Variants in SORCS3 observed in about 807,000 individuals in gnomAD.
SORCS3 encodes sortilin related VPS10 domain containing receptor 3.
In SORCS3, 57 loss-of-function variants were observed where a neutral mutation model predicts 146.3. The ratio of observed to expected loss-of-function variants is 0.39; its 90% confidence interval spans 0.31 to 0.49. SORCS3 has a LOEUF of 0.49. Among genes scored for constraint, SORCS3 ranks in the 20% least tolerant of loss-of-function variants. SORCS3 has a pLI of 0.92. For missense variants in SORCS3, 1,341 were observed against 1,575.5 expected (o/e 0.85, Z 2.52); for synonymous variants, 653 against 618.5 (o/e 1.06, Z -0.83).
chr10:105,088,388 CTTTGGGG>C (rs1287720546), intron 5 of SORCS3, among the ~76,000 whole-genome samples: 3 of 152,180 alleles, frequency 2.0e-5, no homozygotes, highest in Non-Finnish European at 4.4e-5. Flanking sequence ...TATTCAGCCT[CTTTGGGG>C]AAAGAAGTGT....
At position 104,755,571 on chromosome 10, in the gene SORCS3, C is replaced by T. The variant is rs12259770; in HGVS notation, c.628-87221C>T. 3.9e-5 allele frequency among the ~76,000 whole-genome samples: 6 copies of T among 152,188 alleles called. No homozygotes were observed. The East Asian group carries it at 7.7e-4, about 20-fold the overall frequency. ...GAAAACCTAGATGAAAAGAATAATCCTGAAGAATTTAGGATTCAATTTGAT... is the reference window on the plus strand; with the variant it reads ...GAAAACCTAGATGAAAAGAATAATCTTGAAGAATTTAGGATTCAATTTGAT... On this transcript the variant is annotated intron_variant, in intron 1 of 26. Coordinates refer to ENST00000369701, the MANE Select transcript of SORCS3 (RefSeq NM_014978.3).
chr10:104,906,016 A>G (rs149138587), intron 2 of SORCS3, among the ~76,000 whole-genome samples: 2 of 152,230 alleles, frequency 1.3e-5, no homozygotes, highest in African/African-American at 2.4e-5. Context: ...AAGGCTCTCT[A>G]TTTATTCATG....
At chr10:104,893,205 C>A (rs1477833400) in intron 2 of SORCS3, among the ~76,000 whole-genome samples, 1 of 152,172 alleles carries the variant, frequency 6.6e-6, no homozygotes, top group Non-Finnish European at 1.5e-5. Context: ...TTATAATTGA[C>A]TTGGGTCCCA....
chr10:104,940,259 A>G (rs1272062825), intron 3 of SORCS3, among the ~76,000 whole-genome samples: 1 of 70,794 alleles, frequency 1.4e-5, no homozygotes, highest in Non-Finnish European at 3.6e-5. Context: ...TTTTTTTATT[A>G]TACTTTAAGT....
intron 1 of SORCS3, among the ~76,000 whole-genome samples, chr10:104,781,146 A>G (rs1041011520): frequency 6.6e-6 from 1 of 152,226 alleles, no homozygotes; most frequent in Non-Finnish European, 1.5e-5. Context: ...GATATCTGAC[A>G]TCTGCAGAAC....
At chr10:104,927,773 G>T (rs2019163482) in intron 3 of SORCS3, among the ~76,000 whole-genome samples, 1 of 151,998 alleles carries the variant, frequency 6.6e-6, no homozygotes, top group Non-Finnish European at 1.5e-5. Flanking sequence ...AGCTACTCGG[G>T]AGGCTGAGGC....
chr10:104,797,042 G>A (rs2017564306), intron 1 of SORCS3, among the ~76,000 whole-genome samples: 1 of 152,188 alleles, frequency 6.6e-6, no homozygotes, highest in Admixed American at 6.5e-5. Flanking sequence ...TTGCAGCCTA[G>A]CACTTACAAC....
intron 1 of SORCS3, among the ~76,000 whole-genome samples, chr10:104,738,145 T>G (rs577498435): frequency 1.6e-3 from 249 of 152,346 alleles, no homozygotes; most frequent in Middle Eastern, 3.4e-3. Flanking sequence ...ACCAGTACCA[T>G]GCTGTTTTGG....
chr10:105,162,214 G>A (rs1047714993), intron 11 of SORCS3, among the ~76,000 whole-genome samples: 6 of 152,110 alleles, frequency 3.9e-5, no homozygotes, highest in Non-Finnish European at 7.4e-5. Context: ...AGGAAATGAG[G>A]GTGAAAGCAA....
chr10:104,771,542 G>A (rs1293897378), intron 1 of SORCS3, among the ~76,000 whole-genome samples: 2 of 152,154 alleles, frequency 1.3e-5, no homozygotes, highest in Non-Finnish European at 2.9e-5. Context: ...AACTTTTGGG[G>A]TGGCAGGCTA....
At chr10:105,097,160 G>C (rs917798565) in intron 6 of SORCS3, among the ~76,000 whole-genome samples, 1 of 152,162 alleles carries the variant, frequency 6.6e-6, no homozygotes, top group East Asian at 1.9e-4. Context: ...CCCAACATCA[G>C]CTGGTCTCTT....
intron 3 of SORCS3, among the ~76,000 whole-genome samples, chr10:104,975,398 A>G (rs934359397): frequency 2.6e-5 from 4 of 152,076 alleles, no homozygotes; most frequent in Non-Finnish European, 5.9e-5. Flanking sequence ...CCACTGCTCA[A>G]TGAAATAAAA....
intron 2 of SORCS3, among the ~76,000 whole-genome samples, chr10:104,901,328 A>G (rs967083907): frequency 1.3e-5 from 2 of 152,248 alleles, no homozygotes; most frequent in African/African-American, 4.8e-5. Flanking sequence ...TCAAGATCAC[A>G]CAAGTATCTA....
At chr10:105,189,694 G>C (rs1052251083) in intron 14 of SORCS3, among the ~76,000 whole-genome samples, 1 of 152,180 alleles carries the variant, frequency 6.6e-6, no homozygotes, top group Non-Finnish European at 1.5e-5. Context: ...GAAAGAGCTG[G>C]CTGTCAAGAG....
At chr10:105,061,201 A>G (rs1327394486) in intron 5 of SORCS3, among the ~76,000 whole-genome samples, 2 of 151,814 alleles carry the variant, frequency 1.3e-5, no homozygotes, top group Non-Finnish European at 2.9e-5. Flanking sequence ...CATTTCTCCC[A>G]GGGTAAGAAA....
chr10:105,256,962 G>A (rs774655386), intron 25 of SORCS3, 38 bp downstream of exon 25: 2 of 1,421,968 alleles, frequency 1.4e-6, no homozygotes, highest in East Asian at 4.6e-5. Context: ...AGTGGGGTTG[G>A]GGTCATTGCA....
chr10:105,025,613 G>A (rs777914585), intron 4 of SORCS3, among the ~76,000 whole-genome samples: 1 of 151,954 alleles, frequency 6.6e-6, no homozygotes, highest in African/African-American at 2.4e-5. Context: ...GTGCAGCCTC[G>A]AGCATTGCCT....
intron 1 of SORCS3, among the ~76,000 whole-genome samples, chr10:104,696,242 A>G (rs1181298199): frequency 8.1e-6 from 1 of 124,206 alleles, no homozygotes; most frequent in African/African-American, 3.3e-5. Context: ...TATCATATAC[A>G]CATATGATAT....
chr10:104,839,272 A>G (rs1026321477), intron 1 of SORCS3, among the ~76,000 whole-genome samples: 1 of 152,178 alleles, frequency 6.6e-6, no homozygotes, highest in Non-Finnish European at 1.5e-5. Context: ...GCATGACTCA[A>G]TTTTAAGCAA....
Sources: allele counts gnomAD v4.1 joint callset (sites outside exome capture counted in the v4.1 genomes callset), GRCh38; gene constraint gnomAD v4.1.1; transcripts MANE v1.5; gene names NCBI Gene and HGNC (gene_info 2026-07-23, HGNC 2026-07-21).